Variants in HBP1 observed in about 807,000 individuals in gnomAD.
The protein encoded by HBP1 is HMG-box transcription factor 1.
In HBP1, 20 loss-of-function variants were observed where a neutral mutation model predicts 62.6. The observed-to-expected ratio is 0.32, with a 90% confidence interval of 0.22 to 0.46. The LOEUF (loss-of-function observed/expected upper bound fraction) is 0.46. Among genes scored for constraint, HBP1 ranks in the 20% least tolerant of loss-of-function variants. HBP1 has a pLI of 1.00. For synonymous variants in HBP1, 232 were observed against 206.2 expected (o/e 1.12, Z -1.07); for missense variants, 480 against 611.8 (o/e 0.78, Z 2.27).
In HBP1 at chr7:107,169,205, G is replaced by C; in HGVS notation, c.-16+20G>C. The C allele has an allele frequency of 1.1e-6, 1 of 950,210 alleles. No individual in the cohort carries two copies. Among genetic ancestry groups the C allele is most frequent in the Non-Finnish European group, 1.3e-6 (1 of 763,762 alleles). The allele number at this position is 950,210 out of a possible 1,614,324, so 58.9% of individuals were successfully genotyped here. On this transcript the variant is annotated intron_variant, in intron 1 of 10. Coordinates refer to ENST00000222574, the MANE Select transcript of HBP1 (RefSeq NM_012257.4). ...CGGCAGGTTTGTTGTCTTTCAGTTA[G>C]GGAAGAGGTGGGGGTGGGGAAGGGA...
At chr7:107,174,482 G>C (rs554817937) in intron 1 of HBP1, 547 of 985,382 alleles carry the variant, frequency 5.6e-4, no homozygotes, top group Admixed American at 9.2e-4. Flanking sequence ...CTAAGACAAA[G>C]TGCTGAAGAA....
At chr7:107,169,665 C>G (rs1367557946) in intron 1 of HBP1, 2 of 853,638 alleles carry the variant, frequency 2.3e-6, no homozygotes, top group Non-Finnish European at 1.4e-6. Context: ...GAGGGGGATT[C>G]TGGCTGAGCT....
chr7:107,192,003 T>G (rs1797676651), intron 8 of HBP1, among the ~76,000 whole-genome samples: 1 of 152,174 alleles, frequency 6.6e-6, no homozygotes, highest in African/African-American at 2.4e-5. Context: ...AAGCCAGGCT[T>G]CCAGGGATCC....
At chr7:107,180,810 C>G (rs1797069522) in intron 2 of HBP1, among the ~76,000 whole-genome samples, 1 of 152,042 alleles carries the variant, frequency 6.6e-6, no homozygotes, top group African/African-American at 2.4e-5. Flanking sequence ...TTTTCTGGAC[C>G]CTAGTATTTA....
chr7:107,186,315 A>G (rs753342757), intron 4 of HBP1, 46 bp from the exon 5 acceptor site: 4 of 1,125,556 alleles, frequency 3.6e-6, no homozygotes, highest in East Asian at 4.7e-5. Flanking sequence ...ATTAAAAGGT[A>G]TATTTTAAAA....
chr7:107,200,125 G>A (rs1406595006), intron 9 of HBP1, 35 bp from the exon 10 acceptor site: 9 of 1,470,650 alleles, frequency 6.1e-6, no homozygotes, highest in East Asian at 5.0e-5. Flanking sequence ...TGAAAAATGT[G>A]TGCTTTCAGC....
At chr7:107,187,364 T>G (rs1052578504) in intron 6 of HBP1, among the ~76,000 whole-genome samples, 3 of 152,208 alleles carry the variant, frequency 2.0e-5, no homozygotes, top group African/African-American at 7.2e-5. Flanking sequence ...CCAATTATAT[T>G]AAGTTACTTT....
At chr7:107,174,467 G>A (rs1796742903) in intron 1 of HBP1, 2 of 985,106 alleles carry the variant, frequency 2.0e-6, no homozygotes, top group Non-Finnish European at 1.2e-6. Flanking sequence ...GATGGTGGTT[G>A]ATAACTAAGA....
At position 107,182,373 on chromosome 7, in the gene HBP1, A is replaced by G. The variant is rs774980601; in HGVS notation, c.170A>G (p.Asp57Gly). The G allele has an allele frequency of 3.2e-6, 5 of 1,572,630 alleles. No individual in the cohort carries two copies. Among genetic ancestry groups the G allele is most frequent in the South Asian group, 2.2e-5 (2 of 90,154 alleles). Residue 57 changes from aspartate (D) to glycine (G), a missense_variant and splice_region_variant, in exon 3 of 11, where the codon GAT (aspartate) becomes GGT (glycine). Transcript: ENST00000222574. ...TGATTTTGAGTGTGCTTATTTGCAG[A>G]TGACCTTCCTGAACTTCAGGCAGTT... is the stretch of plus-strand genomic sequence containing the variant. Reference protein sequence around the residue: ...YNSCDEHMELDDLPELQAVQS... With the variant: ...YNSCDEHMELGDLPELQAVQS...
chr7:107,178,196 G>T (rs780535789), intron 1 of HBP1, among the ~76,000 whole-genome samples: 21 of 152,006 alleles, frequency 1.4e-4, no homozygotes, highest in Non-Finnish European at 2.6e-4. Context: ...TCTTTAAGAG[G>T]GGGGGTCTTG....
chr7:107,170,053 G>T, intron 1 of HBP1: 1 of 985,248 alleles, frequency 1.0e-6, no homozygotes, highest in Non-Finnish European at 1.2e-6. Context: ...TTCACTCTCC[G>T]CTGTGCACTC....
chr7:107,170,627 T>A (rs1289896818), intron 1 of HBP1, among the ~76,000 whole-genome samples: 1 of 152,186 alleles, frequency 6.6e-6, no homozygotes, highest in African/African-American at 2.4e-5. Flanking sequence ...TTTAACCACT[T>A]TAAAGCAAAA....
At chr7:107,193,228 G>T (rs1172850363) in intron 8 of HBP1, 1 of 152,110 alleles carries the variant, frequency 6.6e-6, no homozygotes, top group Non-Finnish European at 1.5e-5. Flanking sequence ...ACAAACTTGA[G>T]TGCCTACTAT....
rs761053124 is a variant in HBP1 at position 107,201,849 on chromosome 7, A to T, written c.*418A>T. 1.3e-5 allele frequency: 2 copies of T among 155,090 alleles called. No homozygotes were observed. The highest frequency in any genetic ancestry group is 4.8e-5 in the African/African-American group (2 of 41,546). The allele number at this position is 155,090 out of a possible 1,614,324, so 9.6% of individuals were successfully genotyped here. On this transcript the variant is annotated 3_prime_UTR_variant, in exon 11 of 11. Coordinates refer to ENST00000222574, the MANE Select transcript of HBP1 (RefSeq NM_012257.4). ...TACTGCTTATTAATCTGTATTGTAC[A>T]CATGATGAAATGAAGCAGAAGCTGG...
intron 1 of HBP1, chr7:107,174,799 C>A: frequency 1.7e-6 from 1 of 591,436 alleles, no homozygotes; most frequent in Non-Finnish European, 2.1e-6. Context: ...CAGCTCACAT[C>A]TGTATGTGAA....
intron 9 of HBP1, 178 bp downstream of exon 9, chr7:107,196,329 T>C: frequency 1.6e-6 from 1 of 637,082 alleles, no homozygotes; most frequent in Non-Finnish European, 2.9e-6. Flanking sequence ...AGTCCAGTGG[T>C]ACGATCTCAG....
chr7:107,183,371 G>T (rs930840995), intron 3 of HBP1, among the ~76,000 whole-genome samples: 6 of 152,152 alleles, frequency 3.9e-5, no homozygotes, highest in African/African-American at 1.2e-4. Flanking sequence ...CATTGCTAAA[G>T]AATAAACTTA....
rs759847372 is a variant in HBP1 at position 107,182,528 on chromosome 7, G to A, written c.325G>A (p.Asp109Asn). Residue 109 changes from aspartate (D) to asparagine (N), a missense_variant, in exon 3 of 11, where the codon GAC becomes AAC. By Grantham distance (23) the Asp-to-Asn change is conservative. Around this residue, in one of 4 missense-constraint regions of HBP1, gnomAD observed 304 missense variants for 330.9 expected, o/e 0.92. Coordinates refer to ENST00000222574, the MANE Select transcript of HBP1 (RefSeq NM_012257.4). ...AACTACTTACCGTGAAAATGAGGTG[G>A]ACTGGCTAACAGAATTGGCAAATAT... Reference protein sequence around the residue: ...PETTYRENEVDWLTELANIAT... With the variant: ...PETTYRENEVNWLTELANIAT... The A allele has an allele frequency of 2.5e-6, 4 of 1,613,642 alleles. No individual in the cohort carries two copies. In the East Asian group the frequency reaches 8.9e-5, roughly 36 times the overall value.
chr7:107,180,298 T>G (rs979624453), intron 2 of HBP1, among the ~76,000 whole-genome samples: 2 of 152,246 alleles, frequency 1.3e-5, no homozygotes, highest in Non-Finnish European at 2.9e-5. Flanking sequence ...ACTACTTTAC[T>G]TTGTGTGTAA....
Sources: gnomAD v4.1 joint callset for allele counts (sites outside exome capture counted in the v4.1 genomes callset) on GRCh38, gnomAD v4.1.1 for gene constraint, gnomAD v4.1.1 regional missense constraint, MANE v1.5 for transcripts, NCBI Gene and HGNC (gene_info 2026-07-23, HGNC 2026-07-21) for gene names.